CCDC187: variants seen among roughly 807,000 people sequenced by gnomAD.
CCDC187 encodes coiled-coil domain-containing protein 187.
CCDC187 carries 32 observed loss-of-function variants against 38.0 expected under a neutral mutation model. That is an observed-to-expected ratio of 0.84 (90% CI 0.64 to 1.13). The LOEUF is 1.13. CCDC187 is among the 50% of genes most tolerant of loss of function. The probability of loss-of-function intolerance (pLI) is 0.00; values close to 1 mark genes in which losing one functional copy is unlikely to be tolerated. For synonymous variants in CCDC187, 333 were observed against 347.9 expected, an observed-to-expected ratio of 0.96 and a Z score of 0.48; for missense variants, 707 against 786.8, an observed-to-expected ratio of 0.90 and a Z score of 1.21.
At chr9:136,285,065 A>G (rs908824231) in intron 9 of CCDC187, among the ~76,000 whole-genome samples, 3 of 152,142 alleles carry the variant, frequency 2.0e-5, no homozygotes, top group Non-Finnish European at 1.5e-5. Flanking sequence ...CCTGTGTGAC[A>G]TGGCCCCAGA....
In CCDC187 at chr9:136,250,866, G is replaced by A. The variant is rs1554759253; in HGVS notation, c.*2728C>T. The A allele has an allele frequency of 1.1e-5, 5 of 454,766 alleles. No homozygotes were observed. The Admixed American group carries it at 1.2e-4, about 11-fold the overall frequency. The allele number at this position is 454,766 out of a possible 1,614,324, so 28.2% of individuals were successfully genotyped here. A position where few individuals can be genotyped will look rare whatever the true frequency, so the allele number is the denominator to read the frequency against. On this transcript the variant is annotated 3_prime_UTR_variant, in exon 26 of 26. Coordinates refer to ENST00000638797, the MANE Select transcript of CCDC187 (RefSeq NM_001378188.1). ...GCTGGGTCCAGCTGCTCCCGGGCGAGGGGTGTCTGGAGAGGGGCTCTTGCC... is the reference window on the plus strand; with the variant it reads ...GCTGGGTCCAGCTGCTCCCGGGCGAAGGGTGTCTGGAGAGGGGCTCTTGCC...
intron 7 of CCDC187, among the ~76,000 whole-genome samples, chr9:136,287,662 T>G (rs1230262875): frequency 6.6e-6 from 1 of 152,078 alleles, no homozygotes; most frequent in Non-Finnish European, 1.5e-5. Flanking sequence ...TGGCCTTCTG[T>G]GTGGCAAGCA....
At chr9:136,273,807 T>C (rs1554762768) in intron 14 of CCDC187, among the ~76,000 whole-genome samples, 2 of 152,204 alleles carry the variant, frequency 1.3e-5, no homozygotes, top group Non-Finnish European at 2.9e-5. Context: ...GTGAACACAA[T>C]GAAGTTAAAC....
intron 4 of CCDC187, among the ~76,000 whole-genome samples, chr9:136,293,396 CACTCACAA>C (rs1381641121): frequency 0.14 from 11,646 of 80,718 alleles, 787 homozygotes; most frequent in East Asian, 0.21. Context: ...CATGCTCACA[CACTCACAA>C]ACACTCACAT....
chr9:136,294,305 C>T (rs990605533), intron 4 of CCDC187, among the ~76,000 whole-genome samples: 2 of 149,928 alleles, frequency 1.3e-5, no homozygotes, highest in Non-Finnish European at 2.9e-5. Context: ...CTCACACGCT[C>T]ATATACACAT....
chr9:136,283,196 C>G (rs36170098), intron 9 of CCDC187, among the ~76,000 whole-genome samples: 1 of 152,238 alleles, frequency 6.6e-6, no homozygotes, highest in African/African-American at 2.4e-5. Context: ...TTGCAGCAAG[C>G]TGAGATCAAG....
intron 7 of CCDC187, among the ~76,000 whole-genome samples, chr9:136,287,734 T>G (rs1304358846): frequency 1.3e-5 from 2 of 152,216 alleles, no homozygotes; most frequent in Admixed American, 1.3e-4. Flanking sequence ...GGCGTGTTCC[T>G]GCTCACGTGA....
At chr9:136,266,355 G>C (rs1265340794) in intron 16 of CCDC187, 2 of 152,314 alleles carry the variant, frequency 1.3e-5, no homozygotes, top group Non-Finnish European at 2.9e-5. Flanking sequence ...GTCCTCTGGG[G>C]AGGGAGGTGG....
At chr9:136,301,015 C>T (rs980464318) in intron 2 of CCDC187, among the ~76,000 whole-genome samples, 1 of 152,230 alleles carries the variant, frequency 6.6e-6, no homozygotes, top group Non-Finnish European at 1.5e-5. Flanking sequence ...CACACAGAAA[C>T]GCCTCTGGCA....
chr9:136,275,275 G>A (rs1293525780), intron 12 of CCDC187, among the ~76,000 whole-genome samples: 3 of 152,296 alleles, frequency 2.0e-5, no homozygotes, highest in East Asian at 3.9e-4. Context: ...GCTGCATGGA[G>A]ACGGGTGGGA....
chr9:136,267,681 A>G (rs1216444942), intron 15 of CCDC187, 170 bp from the exon 16 acceptor site: 41 of 919,234 alleles, frequency 4.5e-5, no homozygotes, highest in Non-Finnish European at 5.1e-5. Flanking sequence ...CCATCCCCCT[A>G]TGCCGCCCTC....
intron 5 of CCDC187, 66 bp downstream of exon 5, chr9:136,292,095 T>C (rs962406175): frequency 7.5e-6 from 3 of 398,462 alleles, no homozygotes; most frequent in Non-Finnish European, 1.3e-5. Flanking sequence ...GGGTGTCTCC[T>C]TCTCTGTGCC....
chr9:136,256,310 T>C lies in CCDC187; in HGVS notation c.4517A>G (p.Asp1506Gly). The C allele has an allele frequency of 5.1e-6, 5 of 985,480 alleles. No individual in the cohort carries two copies. The highest frequency in any genetic ancestry group is 6.0e-6 in the Non-Finnish European group (5 of 829,962). 61.0% of individuals were successfully genotyped at this position (985,480 alleles called of 1,614,324 possible). A position where few individuals can be genotyped will look rare whatever the true frequency, so the allele number is the denominator to read the frequency against. Residue 1506 changes from aspartate (D) to glycine (G), a missense_variant, in exon 24 of 26, where the codon GAC becomes GGC. By Grantham distance (94) the Asp-to-Gly change is moderately conservative. Coordinates refer to ENST00000638797, the MANE Select transcript of CCDC187 (RefSeq NM_001378188.1). ...GPQEASQVAE[D>G]SMSEEGLESG... The stretch of plus-strand genomic sequence containing the variant: ...TTCCAAGCCCTCTTCGCTCATGCTG[T>C]CCTCAGCCACCTGCTGGAGAGACGT...
At chr9:136,295,664 G>A (rs1218373593) in intron 4 of CCDC187, among the ~76,000 whole-genome samples, 1 of 152,140 alleles carries the variant, frequency 6.6e-6, no homozygotes, top group Non-Finnish European at 1.5e-5. Flanking sequence ...CCTCTGAACC[G>A]AAACTCATCT....
rs1554759138 is a variant in CCDC187, at chr9:136,250,442, G to A, written c.*3152C>T. On this transcript the variant is annotated 3_prime_UTR_variant, in exon 26 of 26. Coordinates refer to ENST00000638797, the MANE Select transcript of CCDC187 (RefSeq NM_001378188.1). ...GCCATCAGATTCGCTGCAAATCTGC[G>A]GGGCTTCAGTGGTGGAGATTTATCG... 2 of 292,906 alleles carry A rather than the reference G, an allele frequency of 6.8e-6. No homozygotes were observed. The highest frequency in any genetic ancestry group is 1.3e-5 in the Non-Finnish European group (2 of 149,524). The allele number at this position is 292,906 out of a possible 1,614,324, so 18.1% of individuals were successfully genotyped here. A position where few individuals can be genotyped will look rare whatever the true frequency, so the allele number is the denominator to read the frequency against.
chr9:136,301,055 C>A (rs1831668894), intron 2 of CCDC187, among the ~76,000 whole-genome samples: 1 of 152,218 alleles, frequency 6.6e-6, no homozygotes, highest in African/African-American at 2.4e-5. Context: ...AGCAGTGAGC[C>A]AGGCCCTGCG....
At position 136,251,381 on chromosome 9, in the gene CCDC187, G is replaced by T. The variant is rs77470071; in HGVS notation, c.*2213C>A. 515 of 261,556 alleles carry T rather than the reference G, an allele frequency of 2.0e-3. 7 individuals are homozygous for T. The East Asian group carries it at 0.042, about 21-fold the overall frequency. The allele number at this position is 261,556 out of a possible 1,614,324, so 16.2% of individuals were successfully genotyped here. A position where few individuals can be genotyped will look rare whatever the true frequency, so the allele number is the denominator to read the frequency against. On this transcript the variant is annotated 3_prime_UTR_variant, in exon 26 of 26. Transcript: ENST00000638797. ...AAAAGCCCCCGGCCGTGCGGGCTGC[G>T]CAGAAATGACCTTGGGCCCTTGAGC...
chr9:136,256,528 GCC>G (rs1250855379), intron 23 of CCDC187, among the ~76,000 whole-genome samples, 175 bp downstream of exon 23: 2 of 152,184 alleles, frequency 1.3e-5, no homozygotes, highest in African/African-American at 4.8e-5. Flanking sequence ...CTGTTTTTCT[GCC>G]CAGGTGTTGA....
At chr9:136,295,589 A>T (rs1831515494) in intron 4 of CCDC187, among the ~76,000 whole-genome samples, 1 of 152,160 alleles carries the variant, frequency 6.6e-6, no homozygotes, top group Admixed American at 6.5e-5. Context: ...AACTATTGTG[A>T]TTTAATTTTT....
Sources: gnomAD v4.1 joint callset for allele counts (sites outside exome capture counted in the v4.1 genomes callset) on GRCh38, gnomAD v4.1.1 for gene constraint, MANE v1.5 for transcripts, NCBI Gene and HGNC (gene_info 2026-07-23, HGNC 2026-07-21) for gene names.